RUNX1: variants seen among roughly 807,000 people sequenced by gnomAD.
RUNX1 encodes the protein runt-related transcription factor 1.
In RUNX1, 19 loss-of-function variants were observed where a neutral mutation model predicts 42.8. The ratio of observed to expected loss-of-function variants is 0.44; its 90% CI spans 0.31 to 0.65. The LOEUF (loss-of-function observed/expected upper bound fraction) is 0.65. Among genes scored for constraint, RUNX1 ranks in the 30% least tolerant of loss-of-function variants. The pLI is 0.07. For missense variants in RUNX1, 528 were observed against 672.0 expected (o/e 0.79, Z 2.37); for synonymous variants, 271 against 289.4 (o/e 0.94, Z 0.64).
intron 6 of RUNX1, among the ~76,000 whole-genome samples, chr21:34,854,067 G>T (rs2057462692): frequency 6.6e-6 from 1 of 152,120 alleles, no homozygotes; most frequent in Admixed American, 6.6e-5. Context: ...GCCCGCATTG[G>T]CCTCCCAAAG....
chr21:34,962,869 T>C (rs549492874), intron 2 of RUNX1, among the ~76,000 whole-genome samples: 14 of 152,242 alleles, frequency 9.2e-5, no homozygotes, highest in Non-Finnish European at 1.5e-4. Context: ...AGTTTGGCTA[T>C]GGGAATAAAA....
At chr21:34,797,060 AC>A (rs1432054157) in intron 8 of RUNX1, among the ~76,000 whole-genome samples, 6 of 151,626 alleles carry the variant, frequency 4.0e-5, no homozygotes, top group South Asian at 2.1e-4. Flanking sequence ...TATGTATTCC[AC>A]CCCCCTCCTG....
intron 5 of RUNX1, 73 bp downstream of exon 5, chr21:34,880,484 A>C (rs546560028): frequency 3.1e-4 from 450 of 1,438,214 alleles, no homozygotes; most frequent in Non-Finnish European, 4.1e-4. Flanking sequence ...CATCACAGAA[A>C]TCACTAGAAT....
chr21:34,904,665 T>C lies in RUNX1; in HGVS notation c.59-11702A>G, dbSNP rs76761631. ...TTAACAATTCAAATGCATGTGAAGA[T>C]ACCCATTTTGAGGAGAATTTAAAAT... On this transcript the variant is annotated intron_variant, in intron 2 of 8. Coordinates refer to ENST00000675419, the MANE Select transcript of RUNX1 (RefSeq NM_001754.5). Among the ~76,000 whole-genome samples the C allele has an allele frequency of 3.3e-5, 5 of 152,332 alleles. No individual in the cohort carries two copies. In the East Asian group the frequency reaches 9.6e-4, roughly 29 times the overall value.
chr21:34,979,338 T>A (rs991846077), intron 2 of RUNX1, among the ~76,000 whole-genome samples: 1 of 152,236 alleles, frequency 6.6e-6, no homozygotes, highest in African/African-American at 2.4e-5. Flanking sequence ...TGCTTTTTTT[T>A]TTTGTTTGCA....
intron 2 of RUNX1, among the ~76,000 whole-genome samples, chr21:34,997,733 T>G (rs1184105549): frequency 6.6e-6 from 1 of 152,212 alleles, no homozygotes; most frequent in Non-Finnish European, 1.5e-5. Flanking sequence ...ATGCTGATAT[T>G]CAACCCCACT....
intron 3 of RUNX1, chr21:34,888,647 C>A (rs1026208007): frequency 2.3e-5 from 24 of 1,051,412 alleles, no homozygotes; most frequent in African/African-American, 3.3e-5. Context: ...CTGGCTGGGT[C>A]CGGCCGCGGG....
intron 3 of RUNX1, chr21:34,888,261 G>A: frequency 9.4e-7 from 1 of 1,067,284 alleles, no homozygotes; most frequent in Non-Finnish European, 1.1e-6. Flanking sequence ...AGGTGGAGCG[G>A]GCCTTGAGGG....
chr21:34,857,483 T>C (rs905574055), intron 6 of RUNX1, among the ~76,000 whole-genome samples: 2 of 152,220 alleles, frequency 1.3e-5, no homozygotes, highest in Non-Finnish European at 2.9e-5. Flanking sequence ...GCCTTCTTTA[T>C]GCATGAGGAA....
chr21:34,986,873 A>G (rs2058891770), intron 2 of RUNX1, among the ~76,000 whole-genome samples: 2 of 152,106 alleles, frequency 1.3e-5, no homozygotes, highest in Admixed American at 1.3e-4. Context: ...GCAATTTGTT[A>G]TGGCAGCCAC....
At chr21:34,834,129 A>C in intron 7 of RUNX1, 1 of 651,956 alleles carries the variant, frequency 1.5e-6, no homozygotes, top group Non-Finnish European at 2.8e-6. Flanking sequence ...TCTATCCAAT[A>C]TGGATATCCA....
chr21:34,947,621 C>G (rs1209489764), intron 2 of RUNX1, among the ~76,000 whole-genome samples: 1 of 152,206 alleles, frequency 6.6e-6, no homozygotes, highest in Non-Finnish European at 1.5e-5. Flanking sequence ...CAGGAATGCA[C>G]AGCTATTTCA....
intron 2 of RUNX1, among the ~76,000 whole-genome samples, chr21:34,919,954 G>C (rs1228100674): frequency 6.6e-6 from 1 of 152,166 alleles, no homozygotes; most frequent in Non-Finnish European, 1.5e-5. Flanking sequence ...TTCTTGCCAG[G>C]CTCTGCGTTA....
intron 8 of RUNX1, among the ~76,000 whole-genome samples, chr21:34,798,702 A>G (rs1434591551): frequency 6.6e-6 from 1 of 152,126 alleles, no homozygotes; most frequent in Admixed American, 6.5e-5. Context: ...TTTACATAGC[A>G]TTTACATTTT....
intron 3 of RUNX1, 60 bp downstream of exon 3, chr21:34,892,865 A>G: frequency 1.0e-6 from 1 of 971,518 alleles, no homozygotes; most frequent in Non-Finnish European, 1.6e-6. Flanking sequence ...ATATAAAATC[A>G]TATACACATC....
intron 2 of RUNX1, among the ~76,000 whole-genome samples, chr21:34,916,138 CACA>C (rs1320344732): frequency 6.6e-6 from 1 of 152,154 alleles, no homozygotes; most frequent in Admixed American, 6.5e-5. Flanking sequence ...GATTTTCTGA[CACA>C]ACAAGTGAAA....
chr21:34,941,401 C>T (rs1174108068), intron 2 of RUNX1, among the ~76,000 whole-genome samples: 1 of 152,256 alleles, frequency 6.6e-6, no homozygotes, highest in Non-Finnish European at 1.5e-5. Context: ...GAATAGCTCT[C>T]TGTTCTTTCA....
chr21:34,844,982 CAAAT>C (rs958493698), intron 6 of RUNX1, among the ~76,000 whole-genome samples: 13 of 152,242 alleles, frequency 8.5e-5, no homozygotes, highest in African/African-American at 3.1e-4. Context: ...CCCTCCCTCA[CAAAT>C]AAGGCTTCCG....
At position 34,792,780 on chromosome 21, in the gene RUNX1, A is replaced by G. The variant is rs1167283372; in HGVS notation, c.968-170T>C. Among the ~76,000 whole-genome samples, 1 of 150,500 alleles carries G rather than the reference A, an allele frequency of 6.6e-6. No homozygotes were observed. The highest frequency in any genetic ancestry group is 2.5e-5 in the African/African-American group (1 of 40,788). ...GGGACCACCCGGGATGCTACTCCCA[A>G]GAGGACGAGGATTACCCAGGATGCT... On this transcript the variant is annotated intron_variant, in intron 8 of 8. Transcript: ENST00000675419. This position sits in a 1 kb window ranked among gnomAD's most constrained non-coding sequence, Gnocchi z 6.9.
Sources: allele counts gnomAD v4.1 joint callset (sites outside exome capture counted in the v4.1 genomes callset), GRCh38; gene constraint gnomAD v4.1.1; non-coding constraint Gnocchi (gnomAD v3.1); transcripts MANE v1.5; gene names NCBI Gene and HGNC (gene_info 2026-07-23, HGNC 2026-07-21).